The following LAMC3 variants were observed in gnomAD, a reference collection of about 807,000 sequenced individuals.
The protein encoded by LAMC3 is laminin subunit gamma-3.
LAMC3 carries 128 observed loss-of-function variants against 173.8 expected under a neutral mutation model. The observed-to-expected ratio is 0.74, with a 90% CI of 0.64 to 0.85. The LOEUF is 0.85. LAMC3 is among the 40% of genes least tolerant of loss of function. LAMC3 has a pLI of 0.00. For missense variants in LAMC3, 2,022 were observed against 2,156.0 expected, an observed-to-expected ratio of 0.94 and a Z score of 1.23; for synonymous variants, 897 against 909.1, an observed-to-expected ratio of 0.99 and a Z score of 0.24.
chr9:131,058,388 C>T (rs1346661049), intron 12 of LAMC3, among the ~76,000 whole-genome samples: 1 of 149,274 alleles, frequency 6.7e-6, no homozygotes, highest in Non-Finnish European at 1.5e-5. Context: ...GCTGGGATTA[C>T]AGGCGTGAGC....
chr9:131,060,569 G>A (rs1433926858), intron 12 of LAMC3, among the ~76,000 whole-genome samples: 1 of 152,016 alleles, frequency 6.6e-6, no homozygotes, highest in African/African-American at 2.4e-5. Context: ...ACTTGAACCT[G>A]GGAAGTGGAG....
rs1478841663 is a variant in LAMC3 at position 131,085,712 on chromosome 9, G to A, written c.4219G>A (p.Asp1407Asn). The A allele has an allele frequency of 6.2e-7, 1 of 1,614,152 alleles. No individual in the cohort carries two copies. Among genetic ancestry groups the A allele is most frequent in the Admixed American group, 1.7e-5 (1 of 60,024 alleles). ...CAGAGAAGCAGAGGTGTTGGCCAAGGACAGTGCCAAGGTCAGGGTGGTGGC... is the reference window on the plus strand; with the variant it reads ...CAGAGAAGCAGAGGTGTTGGCCAAGAACAGTGCCAAGGTCAGGGTGGTGGC... ...KGREAEVLAK[D>N]SAKLAKALLR... The change falls in exon 25 of 28, where the codon GAC becomes AAC. Residue 1407 changes from aspartate (D) to asparagine (N), a missense_variant. Asp to Asn is a conservative substitution (Grantham distance 23, BLOSUM62 1). Coordinates refer to ENST00000361069, the MANE Select transcript of LAMC3 (RefSeq NM_006059.4).
At chr9:131,038,336 G>A (rs1013096812) in intron 4 of LAMC3, among the ~76,000 whole-genome samples, 6 of 152,188 alleles carry the variant, frequency 3.9e-5, no homozygotes, top group East Asian at 1.9e-4. Context: ...AAATGGGTCC[G>A]CACCTTTCAT....
intron 1 of LAMC3, among the ~76,000 whole-genome samples, chr9:131,020,393 G>A (rs981425184): frequency 6.6e-6 from 1 of 152,214 alleles, no homozygotes; most frequent in Non-Finnish European, 1.5e-5. Context: ...GACCCTGGCT[G>A]AACCAGGGAT....
chr9:131,083,566 TGCA>T (rs1162853793), intron 24 of LAMC3, among the ~76,000 whole-genome samples: 2 of 152,336 alleles, frequency 1.3e-5, no homozygotes, highest in East Asian at 3.9e-4. Context: ...TGTCTCTTGC[TGCA>T]GCATCCTCTT....
intron 22 of LAMC3, among the ~76,000 whole-genome samples, chr9:131,077,952 T>C (rs1283229769): frequency 6.6e-6 from 1 of 152,124 alleles, no homozygotes; most frequent in Middle Eastern, 3.2e-3. Context: ...GCTCTGCCAC[T>C]CCAGCTCTGT....
intron 8 of LAMC3, among the ~76,000 whole-genome samples, chr9:131,046,516 G>GTTTTTTTTTT (rs1443313320): frequency 5.2e-5 from 2 of 38,756 alleles, no homozygotes; most frequent in African/African-American, 9.3e-5. Flanking sequence ...GCTAATTTTT[G>GTTTTTTTTTT]TATTTTTTTT....
intron 13 of LAMC3, among the ~76,000 whole-genome samples, chr9:131,062,566 A>G (rs1191174448): frequency 6.6e-6 from 1 of 151,744 alleles, no homozygotes; most frequent in African/African-American, 2.4e-5. Flanking sequence ...CAGAAACCGT[A>G]CCCATCAAAT....
At chr9:131,059,517 A>G (rs1363178856) in intron 12 of LAMC3, among the ~76,000 whole-genome samples, 1 of 124,624 alleles carries the variant, frequency 8.0e-6, no homozygotes, top group Non-Finnish European at 1.7e-5. Context: ...AAAAAAAAAA[A>G]AAGACGTCAG....
intron 11 of LAMC3, among the ~76,000 whole-genome samples, chr9:131,055,690 C>G (rs980883885): frequency 1.3e-4 from 20 of 151,444 alleles, no homozygotes; most frequent in African/African-American, 3.4e-4. Flanking sequence ...CTCCCAAAGT[C>G]CTGGGATTAC....
chr9:131,082,508 C>T (rs1400576989), intron 24 of LAMC3, among the ~76,000 whole-genome samples: 1 of 152,150 alleles, frequency 6.6e-6, no homozygotes, highest in Non-Finnish European at 1.5e-5. Flanking sequence ...ATATGGCTGT[C>T]CGGGTCCAAT....
At chr9:131,043,727 A>G (rs908112113) in intron 7 of LAMC3, among the ~76,000 whole-genome samples, 1 of 152,238 alleles carries the variant, frequency 6.6e-6, no homozygotes, top group Non-Finnish European at 1.5e-5. Context: ...GGAACTGGAA[A>G]ACCACTGTTC....
At chr9:131,041,252 A>T in intron 6 of LAMC3, among the ~76,000 whole-genome samples, 1 of 151,988 alleles carries the variant, frequency 6.6e-6, no homozygotes, top group African/African-American at 2.4e-5. Context: ...CTGTAGTCCT[A>T]ACTACTCAGG....
rs1207594496 is a variant in LAMC3 at position 131,079,415 on chromosome 9, C to T, written c.3927+117C>T. ...CAGAGACAGAAGTAGCTCTGTCCGGCCGGGTGTAGTGGCTCACACCTGTAA... is the reference window on the plus strand; with the variant it reads ...CAGAGACAGAAGTAGCTCTGTCCGGTCGGGTGTAGTGGCTCACACCTGTAA... On this transcript the variant is annotated intron_variant, in intron 23 of 27. Transcript: ENST00000361069. 9 of 1,287,164 alleles carry T rather than the reference C, an allele frequency of 7.0e-6. No individual in the cohort carries two copies. The East Asian group carries it at 2.0e-4, about 29-fold the overall frequency. 79.7% of individuals were successfully genotyped at this position (1,287,164 alleles called of 1,614,324 possible). A position where few individuals can be genotyped will look rare whatever the true frequency, so the allele number is the denominator to read the frequency against.
At chr9:131,089,763 T>A (rs1277440875) in intron 27 of LAMC3, among the ~76,000 whole-genome samples, 1 of 152,126 alleles carries the variant, frequency 6.6e-6, no homozygotes, top group Non-Finnish European at 1.5e-5. Flanking sequence ...CAGCAAGCAT[T>A]TTCAATTTTC....
At chr9:131,059,545 G>GGCAA (rs150373020) in intron 12 of LAMC3, among the ~76,000 whole-genome samples, 5 of 73,890 alleles carry the variant, frequency 6.8e-5, no homozygotes, top group African/African-American at 1.1e-4. Flanking sequence ...AGCCGGGGAG[G>GGCAA]GCAAGCACAA....
intron 8 of LAMC3, among the ~76,000 whole-genome samples, chr9:131,048,376 C>T (rs914984513): frequency 1.3e-5 from 2 of 152,070 alleles, no homozygotes; most frequent in African/African-American, 4.8e-5. Context: ...CTTCTAAATG[C>T]CTGTCTGCAA....
chr9:131,036,911 G>C (rs1833955785), intron 4 of LAMC3, among the ~76,000 whole-genome samples: 1 of 152,222 alleles, frequency 6.6e-6, no homozygotes, highest in African/African-American at 2.4e-5. Context: ...TTTCCTCCAG[G>C]CTCTCCATGC....
rs1176188513 is a variant in LAMC3 at position 131,092,879 on chromosome 9, C to T, written c.*1092C>T. On this transcript the variant is annotated 3_prime_UTR_variant, in exon 28 of 28. Transcript: ENST00000361069. The stretch of plus-strand genomic sequence containing the variant: ...TCTGCCCAGGACTCCTCAGCATTTC[C>T]TCTTGGCATCCCTCCCCTCTCCCAG... 8 of 152,512 alleles carry T rather than the reference C, an allele frequency of 5.2e-5. No individual in the cohort carries two copies. The highest frequency in any genetic ancestry group is 1.2e-4 in the Non-Finnish European group (8 of 68,244). 9.4% of individuals were successfully genotyped at this position (152,512 alleles called of 1,614,324 possible).
Sources: gnomAD v4.1 joint callset for allele counts (sites outside exome capture counted in the v4.1 genomes callset) on GRCh38, gnomAD v4.1.1 for gene constraint, MANE v1.5 for transcripts, NCBI Gene and HGNC (gene_info 2026-07-23, HGNC 2026-07-21) for gene names.